FANCA: variants seen among roughly 807,000 people sequenced by gnomAD.
FANCA encodes Fanconi anemia group A protein.
In FANCA, 236 loss-of-function variants were observed where a neutral mutation model predicts 194.3. The ratio of observed to expected loss-of-function variants is 1.21; its 90% CI spans 1.09 to 1.35. The LOEUF is 1.35. Among genes scored for constraint, FANCA ranks in the 40% most tolerant of loss-of-function variants. The pLI, the probability that FANCA is intolerant of heterozygous loss-of-function variation, is 0.00. For missense variants in FANCA, 2,628 were observed against 1,813.9 expected (o/e 1.45, Z -8.15); for synonymous variants, 1,014 against 715.8 (o/e 1.42, Z -6.65).
intron 11 of FANCA, among the ~76,000 whole-genome samples, chr16:89,794,698 T>A (rs760975454): frequency 2.6e-5 from 4 of 152,092 alleles, no homozygotes; most frequent in African/African-American, 9.7e-5. Context: ...TCCCACCAGT[T>A]TCCTGCCTGA....
intron 7 of FANCA, among the ~76,000 whole-genome samples, chr16:89,804,948 A>G: frequency 6.6e-6 from 1 of 152,182 alleles, no homozygotes; most frequent in East Asian, 1.9e-4. Context: ...GAGGCAGAGA[A>G]TCACTTGAAC....
intron 20 of FANCA, among the ~76,000 whole-genome samples, chr16:89,776,159 C>CTCTTTTTTTTT (rs768237452): frequency 1.1e-5 from 1 of 93,276 alleles, no homozygotes; most frequent in East Asian, 3.5e-4. Flanking sequence ...CTTTGTTTTT[C>CTCTTTTTTTTT]TTTTTTTTTT....
At chr16:89,803,160 A>G in intron 8 of FANCA, 99 bp downstream of exon 8, 2 of 1,170,572 alleles carry the variant, frequency 1.7e-6, no homozygotes, top group Non-Finnish European at 2.6e-6. Flanking sequence ...AAATAGGTAC[A>G]AACAGCACGT....
intron 6 of FANCA, 34 bp downstream of exon 6, chr16:89,808,260 A>G: frequency 1.2e-6 from 2 of 1,602,920 alleles, no homozygotes; most frequent in Non-Finnish European, 1.7e-6. Flanking sequence ...TAGACTGCAA[A>G]AACAGTAACA....
intron 39 of FANCA, 128 bp downstream of exon 39, chr16:89,739,866 C>A: frequency 6.5e-7 from 1 of 1,541,876 alleles, no homozygotes; most frequent in Admixed American, 2.0e-5. Flanking sequence ...TTAATCTGTC[C>A]CAACTAAAAT....
intron 40 of FANCA, 35 bp from the exon 41 acceptor site, chr16:89,739,324 A>T: frequency 6.2e-7 from 1 of 1,613,362 alleles, no homozygotes; most frequent in Non-Finnish European, 8.5e-7. Flanking sequence ...ATGGCTACAG[A>T]CTGCTGGAAA....
At chr16:89,766,478 G>A (rs2039131502) in intron 27 of FANCA, among the ~76,000 whole-genome samples, 1 of 151,986 alleles carries the variant, frequency 6.6e-6, no homozygotes, top group South Asian at 2.1e-4. Context: ...GGGAGGCCAA[G>A]GCGGGTGGAT....
intron 3 of FANCA, among the ~76,000 whole-genome samples, 174 bp downstream of exon 3, chr16:89,814,346 C>T (rs902109064): frequency 4.6e-5 from 7 of 152,124 alleles, no homozygotes; most frequent in Non-Finnish European, 1.0e-4. Context: ...AACACAGCAT[C>T]GTAAGAAGCC....
intron 8 of FANCA, among the ~76,000 whole-genome samples, chr16:89,801,152 T>C (rs1321453055): frequency 6.6e-6 from 1 of 151,942 alleles, no homozygotes; most frequent in Non-Finnish European, 1.5e-5. Flanking sequence ...GAGACCAGCC[T>C]GACCAACACT....
Position 89,792,695 on chromosome 16 carries a change from A to G in FANCA, c.1007-148T>C, listed in dbSNP as rs17232526. The G allele has an allele frequency of 0.018, 12,072 of 685,142 alleles. 368 individuals carry two copies. The highest frequency in any genetic ancestry group is 0.089 in the South Asian group (5,836 of 65,674). The allele number at this position is 685,142 out of a possible 1,614,324, so 42.4% of individuals were successfully genotyped here. On this transcript the variant is annotated intron_variant, in intron 11 of 42. Coordinates refer to ENST00000389301, the MANE Select transcript of FANCA (RefSeq NM_000135.4). ...AAAGAAAGATACAAGACAAAGAGATAAAAGACAAGACAGCTGGGCCCGGGG... is the reference window on the plus strand; with the variant it reads ...AAAGAAAGATACAAGACAAAGAGATGAAAGACAAGACAGCTGGGCCCGGGG...
chr16:89,803,331 T>C lies in FANCA; in HGVS notation c.720A>G (p.Gln240=), dbSNP rs765389852. The part of the protein sequence containing the change: ...VARAMLSDFV[Q]MFVLRGFQKN... ...TCTGAAATCCCCTCAAAACAAACAT[T>C]TGAACAAAATCTGAAAAACCATAAA... Residue 240 remains glutamine, a synonymous_variant, in exon 8 of 43, where the codon CAA becomes CAG. Coordinates refer to ENST00000389301, the MANE Select transcript of FANCA (RefSeq NM_000135.4). 3 of 1,613,954 alleles carry C rather than the reference T, an allele frequency of 1.9e-6. No homozygotes were observed. The highest frequency in any genetic ancestry group is 2.5e-6 in the Non-Finnish European group (3 of 1,179,978).
intron 10 of FANCA, 112 bp from the exon 11 acceptor site, chr16:89,796,130 G>T: frequency 1.2e-6 from 1 of 801,420 alleles, no homozygotes; most frequent in Non-Finnish European, 2.1e-6. Context: ...GCAAGGAAGG[G>T]GCTTTCTTGG....
chr16:89,811,813 CT>C lies in FANCA; in HGVS notation c.284-743del, dbSNP rs2040892456. 2.6e-5 allele frequency among the ~76,000 whole-genome samples: 4 copies of C among 152,152 alleles called. 1 individual carries two copies. The South Asian group carries it at 8.3e-4, about 32-fold the overall frequency. On this transcript the variant is annotated intron_variant, in intron 3 of 42. Transcript: ENST00000389301. ...CGGCGCCATCTCAGCTCACTGCAAC[CT>C]CCGCCTCTCAGGTTCAAGCGATTCT...
At chr16:89,770,376 G>A in intron 24 of FANCA, 117 bp from the exon 25 acceptor site, 2 of 1,080,124 alleles carry the variant, frequency 1.9e-6, no homozygotes, top group Non-Finnish European at 2.8e-6. Context: ...CAAAACAGTG[G>A]TCTTTCTGGA....
intron 30 of FANCA, among the ~76,000 whole-genome samples, chr16:89,752,695 T>C (rs948180096): frequency 4.6e-5 from 7 of 152,192 alleles, no homozygotes; most frequent in Non-Finnish European, 8.8e-5. Context: ...TGAGGGGATA[T>C]ACTGAGGTGT....
At chr16:89,815,690 A>T (rs1252726001) in intron 2 of FANCA, among the ~76,000 whole-genome samples, 187 bp downstream of exon 2, 1 of 151,954 alleles carries the variant, frequency 6.6e-6, no homozygotes, top group African/African-American at 2.4e-5. Context: ...TTTTTAATAA[A>T]AGAGGCGGGG....
At position 89,813,426 on chromosome 16, in the gene FANCA, G is replaced by C. The variant is rs568062474; in HGVS notation, c.283+1094C>G. 1.6e-4 allele frequency among the ~76,000 whole-genome samples: 21 copies of C among 134,196 alleles called. No homozygotes were observed. The South Asian group carries it at 5.0e-3, about 32-fold the overall frequency. The allele number at this position is 134,196 out of a possible 152,430, so 88.0% of individuals were successfully genotyped here. A position where few individuals can be genotyped will look rare whatever the true frequency, so the allele number is the denominator to read the frequency against. ...CTGTCTGTTAAAAAAAAAAAAAAAA[G>C]TAGACAATGCCATTTTCTGTTCTGA... On this transcript the variant is annotated intron_variant, in intron 3 of 42. Coordinates refer to ENST00000389301, the MANE Select transcript of FANCA (RefSeq NM_000135.4).
intron 26 of FANCA, 86 bp from the exon 27 acceptor site, chr16:89,767,323 A>G: frequency 1.0e-6 from 1 of 953,708 alleles, no homozygotes; most frequent in Middle Eastern, 2.6e-4. Context: ...CATAAAACTG[A>G]ATTTAGTGCA....
At chr16:89,794,383 C>G (rs1018868370) in intron 11 of FANCA, among the ~76,000 whole-genome samples, 1 of 151,970 alleles carries the variant, frequency 6.6e-6, no homozygotes, top group African/African-American at 2.4e-5. Flanking sequence ...AACCCTGTCT[C>G]TACTCAAAAT....
Sources: allele counts gnomAD v4.1 joint callset (sites outside exome capture counted in the v4.1 genomes callset), GRCh38; gene constraint gnomAD v4.1.1; transcripts MANE v1.5; gene names NCBI Gene and HGNC (gene_info 2026-07-23, HGNC 2026-07-21).